Variants in SLC35D4 observed in about 807,000 individuals in gnomAD.
The protein encoded by SLC35D4 is solute carrier family 35 member D4, also known as UDP-N-acetylglucosamine transporter SLC35D4.
the SLC35D4 span, among the ~76,000 whole-genome samples, chr18:23,373,131 T>G: frequency 6.6e-6 from 1 of 151,984 alleles, no homozygotes; most frequent in African/African-American, 2.4e-5. Flanking sequence ...CTGGCCAAGA[T>G]GGAGAAACCT....
At chr18:23,260,412 T>A in the SLC35D4 span, 1 of 152,272 alleles carries the variant, frequency 6.6e-6, no homozygotes, top group African/African-American at 2.4e-5. Context: ...TTCCCCTCCA[T>A]GTCATTCCTT....
At chr18:23,367,630 C>T in the SLC35D4 span, among the ~76,000 whole-genome samples, 808 of 152,246 alleles carry the variant, frequency 5.3e-3, 4 homozygotes, top group Middle Eastern at 0.02. Flanking sequence ...TTTATTCATC[C>T]TTGGATCCCT....
chr18:23,283,902 T>G, the SLC35D4 span, among the ~76,000 whole-genome samples: 1 of 152,166 alleles, frequency 6.6e-6, no homozygotes, highest in African/African-American at 2.4e-5. Context: ...TATAGTTACT[T>G]CTTGATTATA....
chr18:23,262,082 A>G, the SLC35D4 span, among the ~76,000 whole-genome samples: 1 of 152,228 alleles, frequency 6.6e-6, no homozygotes, highest in Non-Finnish European at 1.5e-5. Context: ...CCGTATTAGC[A>G]TAGGACATAA....
At chr18:23,388,804 AGT>A in the SLC35D4 span, among the ~76,000 whole-genome samples, 1 of 152,072 alleles carries the variant, frequency 6.6e-6, no homozygotes, top group Non-Finnish European at 1.5e-5. Context: ...GTTGTTTAAA[AGT>A]GTGCGGCCCT....
At chr18:23,333,065 GA>G in the SLC35D4 span, among the ~76,000 whole-genome samples, 589 of 151,040 alleles carry the variant, frequency 3.9e-3, 6 homozygotes, top group African/African-American at 0.013. Flanking sequence ...AAAGCAATAT[GA>G]AAAAAAAATT....
At chr18:23,434,762 C>G in the SLC35D4 span, among the ~76,000 whole-genome samples, 1 of 152,010 alleles carries the variant, frequency 6.6e-6, no homozygotes, top group Admixed American at 6.6e-5. Flanking sequence ...CCACTGCACT[C>G]CAGCCTGGGT....
the SLC35D4 span, among the ~76,000 whole-genome samples, chr18:23,387,458 C>T: frequency 6.6e-6 from 1 of 152,156 alleles, no homozygotes; most frequent in Non-Finnish European, 1.5e-5. Flanking sequence ...AGCAGCACTG[C>T]ACAAAGGGTG....
the SLC35D4 span, among the ~76,000 whole-genome samples, chr18:23,282,311 T>TC: frequency 1.4e-4 from 22 of 152,144 alleles, no homozygotes; most frequent in East Asian, 2.1e-3. Context: ...TCCTTCAGAC[T>TC]CCCCCCCAGT....
the SLC35D4 span, among the ~76,000 whole-genome samples, chr18:23,377,995 T>A: frequency 6.6e-6 from 1 of 151,924 alleles, no homozygotes; most frequent in Admixed American, 6.6e-5. Context: ...AGATGTAACC[T>A]GTATTTTAAA....
At chr18:23,269,916 A>G in the SLC35D4 span, among the ~76,000 whole-genome samples, 1,773 of 152,368 alleles carry the variant, frequency 0.012, 38 homozygotes, top group African/African-American at 0.041. Context: ...AAAAGTTTGG[A>G]AAATTTGCAG....
chr18:23,398,612 T>C, the SLC35D4 span, among the ~76,000 whole-genome samples: 2 of 152,186 alleles, frequency 1.3e-5, no homozygotes, highest in South Asian at 4.1e-4. Flanking sequence ...CTCAAGCTTA[T>C]GAATCATGAA....
the SLC35D4 span, among the ~76,000 whole-genome samples, chr18:23,372,292 A>G: frequency 6.6e-6 from 1 of 152,082 alleles, no homozygotes; most frequent in Non-Finnish European, 1.5e-5. Context: ...TAGATTGCAC[A>G]TTCCAGGAGG....
At chr18:23,437,871 C>T in the SLC35D4 span, 216,730 of 1,605,918 alleles carry the variant, frequency 0.13, 15,744 homozygotes, top group Middle Eastern at 0.17. Flanking sequence ...TCGTCCCCTT[C>T]TCGGGGATCC....
the SLC35D4 span, among the ~76,000 whole-genome samples, chr18:23,404,095 C>A: frequency 2.6e-5 from 4 of 151,550 alleles, no homozygotes; most frequent in Non-Finnish European, 5.9e-5. Flanking sequence ...TCCAGCCTGG[C>A]GATAGAGCAA....
chr18:23,402,833 G>A, the SLC35D4 span, among the ~76,000 whole-genome samples: 2 of 151,948 alleles, frequency 1.3e-5, no homozygotes, highest in African/African-American at 2.4e-5. Context: ...TAGGCCAGGT[G>A]TGGTGACTCA....
chr18:23,248,740 G>A, the SLC35D4 span, among the ~76,000 whole-genome samples: 22 of 152,178 alleles, frequency 1.4e-4, no homozygotes, highest in East Asian at 3.1e-3. Flanking sequence ...CAGGAGAATC[G>A]CTTGAACCCA....
At chr18:23,388,581 C>A in the SLC35D4 span, among the ~76,000 whole-genome samples, 1 of 151,386 alleles carries the variant, frequency 6.6e-6, no homozygotes, top group African/African-American at 2.4e-5. Context: ...CTCCAATTGT[C>A]CAAAGTTCAA....
the SLC35D4 span, among the ~76,000 whole-genome samples, chr18:23,250,113 G>T: frequency 6.6e-6 from 1 of 152,192 alleles, no homozygotes; most frequent in Non-Finnish European, 1.5e-5. Context: ...TGGTTGCTGC[G>T]AGGAGAGATC....
Sources: allele counts gnomAD v4.1 joint callset (sites outside exome capture counted in the v4.1 genomes callset), GRCh38; gene constraint gnomAD v4.1.1; transcripts MANE v1.5; gene names NCBI Gene and HGNC (gene_info 2026-07-23, HGNC 2026-07-21).